MAGI1: variants seen among roughly 807,000 people sequenced by gnomAD.
MAGI1 encodes the protein membrane associated guanylate kinase, WW and PDZ domain containing 1.
A neutral mutation model predicts 139.9 loss-of-function variants in MAGI1; 58 were observed. That is an observed-to-expected ratio of 0.41 (90% CI 0.34 to 0.52). The LOEUF is 0.52. MAGI1 is among the 20% of genes least tolerant of loss of function. The pLI, the probability that MAGI1 is intolerant of heterozygous loss-of-function variation, is 0.12. For missense variants in MAGI1, 1,874 were observed against 1,901.6 expected, an observed-to-expected ratio of 0.99 and a Z score of 0.27; for synonymous variants, 812 against 737.9, an observed-to-expected ratio of 1.10 and a Z score of -1.63.
chr3:65,761,510 T>G (rs1470377191), intron 1 of MAGI1, among the ~76,000 whole-genome samples: 1 of 152,166 alleles, frequency 6.6e-6, no homozygotes, highest in Non-Finnish European at 1.5e-5. Context: ...AGTAATTACA[T>G]GAGGTTTCAT....
intron 17 of MAGI1, 145 bp from the exon 18 acceptor site, chr3:65,376,090 C>T: frequency 1.6e-6 from 1 of 638,134 alleles, no homozygotes; most frequent in South Asian, 2.0e-5. Flanking sequence ...GAGCTCTGCA[C>T]CGATGGTCAA....
chr3:65,363,495 G>A lies in MAGI1; in HGVS notation c.3465C>T (p.Asp1155=), dbSNP rs200297547. The change falls in exon 21 of 23, where the codon GAC becomes GAT. Residue 1155 remains aspartate (D), a synonymous_variant. Transcript: ENST00000402939. ...TCTTTCCACACCTCTCCGCAGGACCGTCCTCTGCTAAGCGCAGAACATAGA... is the reference window on the plus strand; with the variant it reads ...TCTTTCCACACCTCTCCGCAGGACCATCCTCTGCTAAGCGCAGAACATAGA... The part of the protein sequence containing the change: ...MDLYVLRLAE[D]GPAERCGKMR... 5.1e-5 allele frequency: 83 copies of A among 1,613,454 alleles called. No individual in the cohort carries two copies. Among genetic ancestry groups the A allele is most frequent in the Admixed American group, 1.5e-4 (9 of 59,928 alleles).
At chr3:65,455,965 T>G (rs11916180) in intron 5 of MAGI1, among the ~76,000 whole-genome samples, 84,946 of 151,970 alleles carry the variant, frequency 0.56, 24,812 homozygotes, top group East Asian at 0.95. Flanking sequence ...TTTGGCTATT[T>G]GGACAAATTT....
At chr3:65,634,077 C>A (rs184990202) in intron 1 of MAGI1, among the ~76,000 whole-genome samples, 2 of 152,264 alleles carry the variant, frequency 1.3e-5, no homozygotes, top group Admixed American at 1.3e-4. Context: ...TTACTCCCAC[C>A]CAATGAGATT....
At chr3:65,499,078 A>AC in intron 2 of MAGI1, 1 of 961,626 alleles carries the variant, frequency 1.0e-6, no homozygotes, top group Non-Finnish European at 1.2e-6. Context: ...AAAAAACAAA[A>AC]AACTCTCATA....
At chr3:65,909,760 G>A (rs2061583185) in intron 1 of MAGI1, among the ~76,000 whole-genome samples, 1 of 152,130 alleles carries the variant, frequency 6.6e-6, no homozygotes, top group African/African-American at 2.4e-5. Flanking sequence ...TTTATTTCAG[G>A]GATGTGGGGA....
chr3:65,745,957 T>C (rs940378816), intron 1 of MAGI1, among the ~76,000 whole-genome samples: 1 of 152,212 alleles, frequency 6.6e-6, no homozygotes, highest in African/African-American at 2.4e-5. Flanking sequence ...CTCGAACTCC[T>C]GGCCTAAAGT....
At chr3:65,620,191 A>G (rs760595165) in intron 2 of MAGI1, among the ~76,000 whole-genome samples, 1 of 152,194 alleles carries the variant, frequency 6.6e-6, no homozygotes, top group African/African-American at 2.4e-5. Context: ...TAAGTAGGGG[A>G]AAAATTACAC....
At chr3:65,545,450 C>T (rs971996707) in intron 2 of MAGI1, among the ~76,000 whole-genome samples, 2 of 152,130 alleles carry the variant, frequency 1.3e-5, no homozygotes, top group Non-Finnish European at 1.5e-5. Flanking sequence ...GAGACTACTT[C>T]CTTAAAAGAC....
chr3:65,744,904 C>A lies in MAGI1; in HGVS notation c.314-122816G>T, dbSNP rs181996030. Among the ~76,000 whole-genome samples, 447 of 152,110 alleles carry A rather than the reference C, an allele frequency of 2.9e-3. 2 individuals are homozygous for A. The highest frequency in any genetic ancestry group is 0.01 in the African/African-American group (422 of 41,504). ...TTATACAATTATCACTACTATCTAT[C>A]TTTTTCATCACCTGGAAGAGAAATT... On this transcript the variant is annotated intron_variant, in intron 1 of 22. Coordinates refer to ENST00000402939, the MANE Select transcript of MAGI1 (RefSeq NM_001033057.2).
At chr3:65,627,661 CCAT>C (rs2084056394) in intron 1 of MAGI1, among the ~76,000 whole-genome samples, 2 of 151,664 alleles carry the variant, frequency 1.3e-5, no homozygotes. Flanking sequence ...GTGACCACCA[CCAT>C]GCCCAGCTAA....
chr3:65,878,751 C>G lies in MAGI1; in HGVS notation c.313+159245G>C, dbSNP rs148822334. 1.6e-3 allele frequency among the ~76,000 whole-genome samples: 243 copies of G among 152,278 alleles called. 1 individual carries two copies. Among genetic ancestry groups the G allele is most frequent in the African/African-American group, 5.5e-3 (230 of 41,564 alleles). ...TTACACTTTGCTTCAATGCTGTCTG[C>G]TGGTTACAAATAGCCCAGGGCCCTG... On this transcript the variant is annotated intron_variant, in intron 1 of 22. Transcript: ENST00000402939.
chr3:65,527,932 T>C (rs1214136011), intron 2 of MAGI1, among the ~76,000 whole-genome samples: 1 of 151,490 alleles, frequency 6.6e-6, no homozygotes, highest in African/African-American at 2.4e-5. Flanking sequence ...AAGTTAATTA[T>C]ATTTAAGAGA....
At chr3:65,796,603 C>G (rs190159282) in intron 1 of MAGI1, among the ~76,000 whole-genome samples, 8 of 152,172 alleles carry the variant, frequency 5.3e-5, no homozygotes. Flanking sequence ...ATAAGTTTTG[C>G]CATGAAATAA....
chr3:65,832,970 C>G (rs1248557168), intron 1 of MAGI1, among the ~76,000 whole-genome samples: 2 of 152,178 alleles, frequency 1.3e-5, no homozygotes, highest in African/African-American at 2.4e-5. Context: ...CTAAAATTCT[C>G]ACAAGAATTC....
At chr3:65,838,574 C>T (rs1298054196) in intron 1 of MAGI1, among the ~76,000 whole-genome samples, 1 of 152,100 alleles carries the variant, frequency 6.6e-6, no homozygotes, top group Non-Finnish European at 1.5e-5. Context: ...TAGTTTGTTC[C>T]TCTTTATTGT....
At chr3:65,395,195 G>T (rs1335163254) in intron 13 of MAGI1, among the ~76,000 whole-genome samples, 1 of 152,114 alleles carries the variant, frequency 6.6e-6, no homozygotes, top group Non-Finnish European at 1.5e-5. Flanking sequence ...GATGGTACCT[G>T]AGCTCTTGAA....
At chr3:65,966,072 T>C (rs1384208531) in intron 1 of MAGI1, among the ~76,000 whole-genome samples, 1 of 152,192 alleles carries the variant, frequency 6.6e-6, no homozygotes, top group Non-Finnish European at 1.5e-5. Context: ...AAAACTTCCA[T>C]GTATGAGATA....
intron 2 of MAGI1, among the ~76,000 whole-genome samples, chr3:65,541,384 C>G (rs2079214657): frequency 6.6e-6 from 1 of 152,138 alleles, no homozygotes; most frequent in Non-Finnish European, 1.5e-5. Context: ...CGATTCCACA[C>G]AATAGAAAAA....
Sources: gnomAD v4.1 joint callset for allele counts (sites outside exome capture counted in the v4.1 genomes callset) on GRCh38, gnomAD v4.1.1 for gene constraint, MANE v1.5 for transcripts, NCBI Gene and HGNC (gene_info 2026-07-23, HGNC 2026-07-21) for gene names.